Variants in NKAIN3 observed in about 807,000 individuals in gnomAD.
The protein encoded by NKAIN3 is sodium/potassium transporting ATPase interacting 3.
NKAIN3 carries 25 observed loss-of-function variants against 30.2 expected under a neutral mutation model. The ratio of observed to expected loss-of-function variants is 0.83; its 90% CI spans 0.60 to 1.16. The LOEUF (loss-of-function observed/expected upper bound fraction) is 1.16, where lower values mean the gene tolerates loss of function less well. NKAIN3 is among the 50% of genes most tolerant of loss of function. The probability of loss-of-function intolerance (pLI) is 0.00; values close to 1 mark genes in which losing one functional copy is unlikely to be tolerated. For synonymous variants in NKAIN3, 91 were observed against 89.6 expected (o/e 1.02, Z -0.09); for missense variants, 225 against 254.1 (o/e 0.89, Z 0.78).
chr8:62,616,495 C>T (rs61408776), intron 3 of NKAIN3, among the ~76,000 whole-genome samples: 2,340 of 152,206 alleles, frequency 0.015, 29 homozygotes, highest in Middle Eastern at 0.054. Flanking sequence ...GATATGAGGG[C>T]GAGGTTTCCA....
At chr8:62,669,485 G>A (rs1813233237) in intron 3 of NKAIN3, among the ~76,000 whole-genome samples, 1 of 152,080 alleles carries the variant, frequency 6.6e-6, no homozygotes, top group Non-Finnish European at 1.5e-5. Flanking sequence ...TCTTAAAAAT[G>A]ACACATCTTC....
At chr8:62,502,353 C>A (rs537246187) in intron 1 of NKAIN3, among the ~76,000 whole-genome samples, 5 of 152,272 alleles carry the variant, frequency 3.3e-5, no homozygotes, top group African/African-American at 1.2e-4. Flanking sequence ...CTGCTTCTAA[C>A]AGTACCTACT....
At position 62,356,930 on chromosome 8, in the gene NKAIN3, T is replaced by C. The variant is rs1016385879; in HGVS notation, c.54+107803T>C. Among the ~76,000 whole-genome samples the C allele has an allele frequency of 1.1e-4, 17 of 151,980 alleles. No homozygotes were observed. In the South Asian group the frequency reaches 1.5e-3, roughly 13 times the overall value. Reference sequence around the variant, plus strand: ...GAGTTCGAGACCAGCCTAGGCAACATGGCGAAACCATCTCTACAAAAATTA... The same window carrying C: ...GAGTTCGAGACCAGCCTAGGCAACACGGCGAAACCATCTCTACAAAAATTA... On this transcript the variant is annotated intron_variant, in intron 1 of 6. Coordinates refer to ENST00000623646, the MANE Select transcript of NKAIN3 (RefSeq NM_001304533.3).
intron 1 of NKAIN3, among the ~76,000 whole-genome samples, chr8:62,350,393 G>A (rs1453659831): frequency 2.0e-5 from 3 of 152,118 alleles, no homozygotes; most frequent in Non-Finnish European, 4.4e-5. Flanking sequence ...TATGATTCGA[G>A]TTATATGAGG....
chr8:62,867,409 A>G (rs1426414020), intron 4 of NKAIN3, among the ~76,000 whole-genome samples: 1 of 152,236 alleles, frequency 6.6e-6, no homozygotes, highest in Non-Finnish European at 1.5e-5. Flanking sequence ...TATAATCAGT[A>G]CATGATATTC....
At chr8:62,816,015 C>T (rs1421440139) in intron 4 of NKAIN3, among the ~76,000 whole-genome samples, 1 of 152,080 alleles carries the variant, frequency 6.6e-6, no homozygotes, top group Admixed American at 6.6e-5. Context: ...TTTTGAATTC[C>T]TTTTCAGGAA....
chr8:62,338,537 A>T (rs1815638602), intron 1 of NKAIN3, among the ~76,000 whole-genome samples: 1 of 152,046 alleles, frequency 6.6e-6, no homozygotes, highest in Non-Finnish European at 1.5e-5. Context: ...GAAAATTTTA[A>T]GGTCAGCTCT....
chr8:62,374,159 AAGAAAG>A (rs373917914), intron 1 of NKAIN3, among the ~76,000 whole-genome samples: 150 of 151,770 alleles, frequency 9.9e-4, no homozygotes, highest in African/African-American at 3.5e-3. Context: ...AGAAGAAAGA[AAGAAAG>A]AGAAAGAGAA....
intron 4 of NKAIN3, among the ~76,000 whole-genome samples, chr8:62,811,250 CTTAT>C (rs1563573965): frequency 1.3e-5 from 2 of 151,986 alleles, no homozygotes; most frequent in African/African-American, 4.8e-5. Flanking sequence ...TGTACCATAG[CTTAT>C]TTAAACAATT....
intron 1 of NKAIN3, among the ~76,000 whole-genome samples, chr8:62,500,544 G>A (rs1490098554): frequency 6.6e-6 from 1 of 151,466 alleles, no homozygotes. Context: ...AGGGAGGGAG[G>A]ACAATTAGAT....
At chr8:62,993,953 G>T (rs138721458) in intron 5 of NKAIN3, among the ~76,000 whole-genome samples, 14 of 152,224 alleles carry the variant, frequency 9.2e-5, no homozygotes, top group African/African-American at 3.1e-4. Flanking sequence ...CTAACTTCAG[G>T]TCACTGGTTT....
chr8:62,277,522 T>G (rs902755849), intron 1 of NKAIN3, among the ~76,000 whole-genome samples: 6 of 152,058 alleles, frequency 3.9e-5, no homozygotes, highest in Non-Finnish European at 8.8e-5. Flanking sequence ...GAAAGGTGAG[T>G]CATTATCCTT....
chr8:62,627,685 C>A (rs184727182), intron 3 of NKAIN3, among the ~76,000 whole-genome samples: 1 of 152,166 alleles, frequency 6.6e-6, no homozygotes, highest in East Asian at 1.9e-4. Flanking sequence ...TTAAAAATCT[C>A]CTTTTCTCTT....
intron 1 of NKAIN3, among the ~76,000 whole-genome samples, chr8:62,426,346 AG>A (rs1170099495): frequency 1.3e-5 from 2 of 151,962 alleles, no homozygotes; most frequent in African/African-American, 4.8e-5. Context: ...TAATCATTAA[AG>A]TAAGGTGTAA....
intron 4 of NKAIN3, among the ~76,000 whole-genome samples, chr8:62,879,168 C>T (rs1054703233): frequency 6.6e-6 from 1 of 152,186 alleles, no homozygotes; most frequent in African/African-American, 2.4e-5. Context: ...TCCTCTCCAG[C>T]ATCTGTTGTT....
At chr8:62,996,992 G>A (rs545101201) in intron 5 of NKAIN3, among the ~76,000 whole-genome samples, 176 of 152,258 alleles carry the variant, frequency 1.2e-3, no homozygotes, top group African/African-American at 4.0e-3. Context: ...CCATTCTAGC[G>A]TCTGGAGGAT....
At chr8:62,666,704 T>C (rs1044468970) in intron 3 of NKAIN3, among the ~76,000 whole-genome samples, 1 of 152,152 alleles carries the variant, frequency 6.6e-6, no homozygotes, top group African/African-American at 2.4e-5. Context: ...TAACACTATA[T>C]TTATGTGCCT....
At chr8:62,502,081 TATGAC>T (rs1666277987) in intron 1 of NKAIN3, among the ~76,000 whole-genome samples, 2 of 152,324 alleles carry the variant, frequency 1.3e-5, no homozygotes, top group South Asian at 2.1e-4. Context: ...GCTTAGCACT[TATGAC>T]TCATCCCTTG....
chr8:62,821,773 C>G (rs1818854482), intron 4 of NKAIN3, among the ~76,000 whole-genome samples: 1 of 151,952 alleles, frequency 6.6e-6, no homozygotes, highest in African/African-American at 2.4e-5. Context: ...GAGGACACGA[C>G]AGGTGGGTGT....
Sources: allele counts gnomAD v4.1 joint callset (sites outside exome capture counted in the v4.1 genomes callset), GRCh38; gene constraint gnomAD v4.1.1; transcripts MANE v1.5; gene names NCBI Gene and HGNC (gene_info 2026-07-23, HGNC 2026-07-21).